UNC80: variants seen among roughly 807,000 people sequenced by gnomAD.
The protein encoded by UNC80 is protein unc-80 homolog.
In UNC80, 164 loss-of-function variants were observed where a neutral mutation model predicts 384.6. The observed-to-expected ratio is 0.43, with a 90% confidence interval of 0.38 to 0.49. The LOEUF is 0.49. Ranked by LOEUF, UNC80 falls within the 20% of genes least tolerant of loss-of-function variation. UNC80 has a pLI of 0.00. For missense variants in UNC80, 3,330 were observed against 4,143.0 expected, an observed-to-expected ratio of 0.80 and a Z score of 5.39; for synonymous variants, 1,486 against 1,527.8, an observed-to-expected ratio of 0.97 and a Z score of 0.64.
intron 31 of UNC80, among the ~76,000 whole-genome samples, chr2:209,915,986 C>T (rs554306309): frequency 6.6e-6 from 1 of 152,250 alleles, no homozygotes; most frequent in East Asian, 1.9e-4. Flanking sequence ...ACCACATGTA[C>T]TCCATGTGTA....
In UNC80 at chr2:209,976,375, T is replaced by C; in HGVS notation, c.8772+72T>C. The C allele has an allele frequency of 1.2e-5, 19 of 1,543,232 alleles. No homozygotes were observed. The highest frequency in any genetic ancestry group is 1.6e-5 in the Non-Finnish European group (18 of 1,140,542). On this transcript the variant is annotated intron_variant, in intron 57 of 64. Transcript: ENST00000673920. The surrounding 1 kb of genome is among the most constrained non-coding windows in gnomAD (Gnocchi z 4.3). ...GTGTGGCTCTCTACTGAGGCAGGAA[T>C]ATGGCAGGAGTGCTCATGGTACCTA...
At chr2:209,920,525 T>C (rs1321493285) in intron 33 of UNC80, among the ~76,000 whole-genome samples, 1 of 152,228 alleles carries the variant, frequency 6.6e-6, no homozygotes, top group African/African-American at 2.4e-5. Flanking sequence ...CTTTTCTTCA[T>C]TGTTCCTGAT....
chr2:209,821,903 A>T (rs1048720239), intron 13 of UNC80, among the ~76,000 whole-genome samples: 3 of 152,152 alleles, frequency 2.0e-5, no homozygotes, highest in African/African-American at 4.8e-5. Context: ...AGAGTTCTAG[A>T]TATATACCAT....
chr2:209,839,057 T>G lies in UNC80; in HGVS notation c.3042-165T>G, dbSNP rs1335577934. Reference sequence around the variant, plus strand: ...CAAGAAGAGCTCAGAAGATGAACCTTGATCTCTTTCCTCCCACTTCAATGC... The same window carrying G: ...CAAGAAGAGCTCAGAAGATGAACCTGGATCTCTTTCCTCCCACTTCAATGC... On this transcript the variant is annotated intron_variant, in intron 18 of 64. Coordinates refer to ENST00000673920, the MANE Select transcript of UNC80 (RefSeq NM_001371986.1). The surrounding 1 kb of genome is among the most constrained non-coding windows in gnomAD (Gnocchi z 4.1). Among the ~76,000 whole-genome samples, 2 of 152,168 alleles carry G rather than the reference T, an allele frequency of 1.3e-5. No individual in the cohort carries two copies. Among genetic ancestry groups the G allele is most frequent in the Non-Finnish European group, 2.9e-5 (2 of 68,034 alleles).
chr2:209,957,719 G>T lies in UNC80; in HGVS notation c.7533G>T (p.Ser2511=). 6.4e-7 allele frequency: 1 copy of T among 1,551,458 alleles called. No homozygotes were observed. Among genetic ancestry groups the T allele is most frequent in the South Asian group, 1.2e-5 (1 of 84,058 alleles). The change falls in exon 49 of 65, where the codon TCG becomes TCT. Residue 2511 remains serine, a synonymous_variant. Transcript: ENST00000673920. ...KGTTTANHTM[S]SGVNTRYQEQ... is the part of the protein sequence containing the mutation. ...CCACCACAGCCAATCACACCATGTC[G>T]TCTGGGGTGAACACCAGGTAATTCA...
At chr2:209,992,915 T>C (rs149353308) in intron 62 of UNC80, among the ~76,000 whole-genome samples, 2 of 152,360 alleles carry the variant, frequency 1.3e-5, no homozygotes, top group East Asian at 3.9e-4. Flanking sequence ...CTTCCCATTA[T>C]TGATTCAGGT....
intron 64 of UNC80, among the ~76,000 whole-genome samples, 168 bp downstream of exon 64, chr2:209,994,432 A>T (rs1302050767): frequency 6.6e-6 from 1 of 152,184 alleles, no homozygotes; most frequent in African/African-American, 2.4e-5. Flanking sequence ...TATATAAAGT[A>T]TAGCCAGGCA....
rs1316352790 is a variant in UNC80, at chr2:209,776,095, C to G, written c.298+50C>G. 1.9e-6 allele frequency: 3 copies of G among 1,609,026 alleles called. No individual in the cohort carries two copies. The South Asian group carries it at 3.3e-5, about 18-fold the overall frequency. ...ATTGCATGTGATTGCCCTTTGTGTTCAACACTCATCATAATAACCTGTACT... is the reference window on the plus strand; with the variant it reads ...ATTGCATGTGATTGCCCTTTGTGTTGAACACTCATCATAATAACCTGTACT... On this transcript the variant is annotated intron_variant, in intron 3 of 64. Transcript: ENST00000673920.
chr2:209,783,553 G>A (rs1400804424), intron 4 of UNC80, among the ~76,000 whole-genome samples: 1 of 152,062 alleles, frequency 6.6e-6, no homozygotes, highest in Non-Finnish European at 1.5e-5. Context: ...CACAGAAGAA[G>A]GAGATCTCAA....
intron 59 of UNC80, among the ~76,000 whole-genome samples, chr2:209,979,262 C>A (rs887691430): frequency 3.9e-5 from 6 of 152,040 alleles, no homozygotes; most frequent in Non-Finnish European, 7.4e-5. Flanking sequence ...AACAACAACT[C>A]CTATCTAAAA....
intron 31 of UNC80, 68 bp downstream of exon 31, chr2:209,914,008 A>G (rs1021338524): frequency 7.2e-5 from 106 of 1,468,924 alleles, no homozygotes; most frequent in Non-Finnish European, 8.5e-5. Flanking sequence ...TGTTTAAATA[A>G]GAGAGGTGTT....
intron 7 of UNC80, chr2:209,796,691 C>T (rs1461140515): frequency 6.0e-6 from 1 of 166,638 alleles, no homozygotes; most frequent in Non-Finnish European, 1.3e-5. Flanking sequence ...GGGGTTTCTT[C>T]TTTTGCTGCT....
chr2:209,959,440 T>C (rs2092520747), intron 50 of UNC80, 49 bp from the exon 51 acceptor site: 1 of 1,513,058 alleles, frequency 6.6e-7, no homozygotes, highest in African/African-American at 1.4e-5. Flanking sequence ...TCACAGCTGC[T>C]ACATGAATAC....
At chr2:209,829,561 A>C (rs2080802064) in intron 15 of UNC80, among the ~76,000 whole-genome samples, 182 bp downstream of exon 15, 1 of 152,144 alleles carries the variant, frequency 6.6e-6, no homozygotes, top group Non-Finnish European at 1.5e-5. Flanking sequence ...ATCTCTGATG[A>C]CACATTTTGG....
At chr2:209,981,607 A>G (rs559554861) in intron 59 of UNC80, among the ~76,000 whole-genome samples, 1 of 152,282 alleles carries the variant, frequency 6.6e-6, no homozygotes, top group East Asian at 1.9e-4. Context: ...CCAAAACAAA[A>G]CAAAAAAAAC....
chr2:209,888,857 T>C (rs887780912), intron 26 of UNC80, among the ~76,000 whole-genome samples: 1 of 152,294 alleles, frequency 6.6e-6, no homozygotes, highest in East Asian at 1.9e-4. Context: ...AAAAATAATA[T>C]TATGTTTCTC....
intron 22 of UNC80, among the ~76,000 whole-genome samples, chr2:209,862,649 C>CTTTTTTTTTTTTTTTTTTTTTTT (rs71043955): frequency 1.1e-4 from 9 of 78,824 alleles, no homozygotes; most frequent in African/African-American, 2.4e-4. Flanking sequence ...GCAACCTCTG[C>CTTTTTTTTTTTTTTTTTTTTTTT]TTTTTTTTTT....
intron 48 of UNC80, among the ~76,000 whole-genome samples, chr2:209,955,136 C>G (rs750327802): frequency 6.6e-6 from 1 of 152,068 alleles, no homozygotes; most frequent in Non-Finnish European, 1.5e-5. Context: ...GGTTTAGTGT[C>G]TTTGCTCCTC....
chr2:209,834,226 C>G, intron 17 of UNC80, 58 bp downstream of exon 17: 1 of 1,501,304 alleles, frequency 6.7e-7, no homozygotes, highest in Non-Finnish European at 9.0e-7. Flanking sequence ...AGAATAAAAT[C>G]TGTTGTACTG....
Sources: gnomAD v4.1 joint callset for allele counts (sites outside exome capture counted in the v4.1 genomes callset) on GRCh38, gnomAD v4.1.1 for gene constraint, Gnocchi (gnomAD v3.1) non-coding constraint, MANE v1.5 for transcripts, NCBI Gene and HGNC (gene_info 2026-07-23, HGNC 2026-07-21) for gene names.